The following PELP1 variants were observed in gnomAD, a reference collection of about 807,000 sequenced individuals.
The protein encoded by PELP1 is proline, glutamate and leucine rich protein 1, also known as proline-, glutamic acid- and leucine-rich protein 1.
A neutral mutation model predicts 95.5 loss-of-function variants in PELP1; 32 were observed. That is an observed-to-expected ratio of 0.34 (90% CI 0.25 to 0.45). The LOEUF (loss-of-function observed/expected upper bound fraction) is 0.45, where lower values mean the gene tolerates loss of function less well. PELP1 is among the 20% of genes least tolerant of loss of function. The pLI is 1.00. For synonymous variants in PELP1, 668 were observed against 600.1 expected, an observed-to-expected ratio of 1.11 and a Z score of -1.65; for missense variants, 1,358 against 1,444.8, an observed-to-expected ratio of 0.94 and a Z score of 0.97.
Position 4,675,848 on chromosome 17 carries a change from C to A in PELP1, c.1017G>T (p.Gln339His). 1 of 1,592,042 alleles carries A rather than the reference C, an allele frequency of 6.3e-7. No individual in the cohort carries two copies. The highest frequency in any genetic ancestry group is 1.3e-5 in the African/African-American group (1 of 74,516). Residue 339 changes from glutamine to histidine, a missense_variant, in exon 9 of 17, where the codon CAG (glutamine) becomes CAT (histidine). Gln to His is a conservative substitution (Grantham distance 24). Around this residue, in one of 7 missense-constraint regions of PELP1, gnomAD observed 538 missense variants for 628.1 expected, o/e 0.86. Coordinates refer to ENST00000572293, the MANE Select transcript of PELP1 (RefSeq NM_014389.3). This position sits in a 1 kb window ranked among gnomAD's most constrained non-coding sequence, Gnocchi z 4.3. ...EFGAPVSVPVQEILDFICRTL... is the reference protein window; with the variant it reads ...EFGAPVSVPVHEILDFICRTL... ...TCCGGCAGATGAAATCCAGGATTTCCTGCACAGGGACGGACACGGGAGCTC... is the reference window on the plus strand; with the variant it reads ...TCCGGCAGATGAAATCCAGGATTTCATGCACAGGGACGGACACGGGAGCTC...
intron 5 of PELP1, among the ~76,000 whole-genome samples, 172 bp from the exon 6 acceptor site, chr17:4,676,984 G>A (rs1912507149): frequency 6.6e-6 from 1 of 152,172 alleles, no homozygotes; most frequent in South Asian, 2.1e-4. Flanking sequence ...TGCTTTCATG[G>A]TAAAAGACTC....
chr17:4,696,718 G>C (rs1234337618), intron 1 of PELP1: 1 of 152,220 alleles, frequency 6.6e-6, no homozygotes, highest in Non-Finnish European at 1.5e-5. Flanking sequence ...CTTGAAGAAT[G>C]TGGTAACTGT....
rs772942983 is a variant in PELP1, at chr17:4,672,188, ATTC to A, written c.2800_2802del (p.Glu934del). 1.2e-5 allele frequency: 18 copies of A among 1,550,270 alleles called. 1 individual carries two copies. The Middle Eastern group carries it at 5.2e-4, about 45-fold the overall frequency. Reference sequence around the variant, plus strand: ...TCTAACTCACCTTCTTCTTCCTCAAATTCTTCCTCAAACTCTTCTTCCTCCTCT... The same window carrying A: ...TCTAACTCACCTTCTTCTTCCTCAAATTCCTCAAACTCTTCTTCCTCCTCT... On this transcript the variant is annotated inframe_deletion, in exon 16 of 17. Coordinates refer to ENST00000572293, the MANE Select transcript of PELP1 (RefSeq NM_014389.3).
chr17:4,701,175 A>T (rs1237131564), intron 1 of PELP1, among the ~76,000 whole-genome samples: 1 of 152,078 alleles, frequency 6.6e-6, no homozygotes, highest in Non-Finnish European at 1.5e-5. Flanking sequence ...GACTTGCTGA[A>T]TGTAGGGGAG....
At position 4,696,736 on chromosome 17, in the gene PELP1, C is replaced by T. The variant is rs115224632; in HGVS notation, c.250-5294G>A. 9.8e-4 allele frequency: 149 copies of T among 152,130 alleles called. 1 individual carries two copies. The highest frequency in any genetic ancestry group is 3.4e-3 in the African/African-American group (143 of 41,496). The allele number at this position is 152,130 out of a possible 1,614,324, so 9.4% of individuals were successfully genotyped here. Reference sequence around the variant, plus strand: ...GAAGAATGTGGTAACTGTGGCGATACAAAGCAGTCAAAATCAGGAAGTACT... The same window carrying T: ...GAAGAATGTGGTAACTGTGGCGATATAAAGCAGTCAAAATCAGGAAGTACT... On this transcript the variant is annotated intron_variant, in intron 1 of 16. Coordinates refer to ENST00000572293, the MANE Select transcript of PELP1 (RefSeq NM_014389.3).
chr17:4,700,559 A>G (rs1185160189), intron 1 of PELP1, among the ~76,000 whole-genome samples: 1 of 152,092 alleles, frequency 6.6e-6, no homozygotes, highest in Non-Finnish European at 1.5e-5. Context: ...CCTACGTAGA[A>G]GACAGAACAA....
chr17:4,695,491 AC>A (rs1415578291), intron 1 of PELP1, among the ~76,000 whole-genome samples: 1 of 150,784 alleles, frequency 6.6e-6, no homozygotes, highest in East Asian at 2.0e-4. Context: ...ACAGAGAGAC[AC>A]CATCTCTACA....
At position 4,682,894 on chromosome 17, in the gene PELP1, C is replaced by T. The variant is rs374255971; in HGVS notation, c.479G>A (p.Arg160Gln). Residue 160 changes from arginine (R) to glutamine (Q), a missense_variant, in exon 4 of 17, where the codon CGA (arginine) becomes CAA (glutamine). Transcript: ENST00000572293. ...CAGTGCAGGCAGCTGGGCTGCATAT[C>T]GGAGGAGGTCCCTCAGGACAGCCAC... ...LAVAVLRDLL[R>Q]YAAQLPALFR... 14 of 1,588,340 alleles carry T rather than the reference C, an allele frequency of 8.8e-6. No homozygotes were observed. Among genetic ancestry groups the T allele is most frequent in the East Asian group, 2.3e-5 (1 of 44,154 alleles).
chr17:4,673,814 T>C lies in PELP1; in HGVS notation c.1583-140A>G, dbSNP rs1912339613. On this transcript the variant is annotated intron_variant, in intron 13 of 16. Coordinates refer to ENST00000572293, the MANE Select transcript of PELP1 (RefSeq NM_014389.3). The surrounding 1 kb of genome is among the most constrained non-coding windows in gnomAD (Gnocchi z 5.7). ...GTCATTTAACTTCTCAACTAGAAAA[T>C]GGGGATCATAAAAGTACCTCTACTG... is the stretch of plus-strand genomic sequence containing the variant. 1.4e-6 allele frequency: 1 copy of C among 739,152 alleles called. No individual in the cohort carries two copies. The highest frequency in any genetic ancestry group is 2.0e-5 in the Admixed American group (1 of 50,130). The allele number at this position is 739,152 out of a possible 1,614,324, so 45.8% of individuals were successfully genotyped here.
At chr17:4,697,560 A>G (rs1050011585) in intron 1 of PELP1, among the ~76,000 whole-genome samples, 2 of 152,238 alleles carry the variant, frequency 1.3e-5, no homozygotes, top group African/African-American at 4.8e-5. Flanking sequence ...GAGATATCCC[A>G]GAAGTCAAGT....
intron 3 of PELP1, among the ~76,000 whole-genome samples, chr17:4,690,121 G>A (rs34022926): frequency 6.6e-6 from 1 of 152,122 alleles, no homozygotes; most frequent in Non-Finnish European, 1.5e-5. Context: ...AATGGCATTC[G>A]CAGCAACCTG....
intron 3 of PELP1, among the ~76,000 whole-genome samples, chr17:4,685,091 A>ATCTTATCTCCTTCCATTTCCCT (rs1358955272): frequency 2.0e-5 from 3 of 151,860 alleles, no homozygotes; most frequent in Non-Finnish European, 4.4e-5. Flanking sequence ...AAGATTTCCC[A>ATCTTATCTCCTTCCATTTCCCT]TCTTCTCTCC....
intron 3 of PELP1, among the ~76,000 whole-genome samples, chr17:4,688,970 A>G (rs1233279714): frequency 6.6e-6 from 1 of 152,250 alleles, no homozygotes; most frequent in Non-Finnish European, 1.5e-5. Flanking sequence ...ACAGTTACCA[A>G]AACAGCATGA....
At chr17:4,699,591 T>C (rs1277562350) in intron 1 of PELP1, among the ~76,000 whole-genome samples, 1 of 151,910 alleles carries the variant, frequency 6.6e-6, no homozygotes, top group Non-Finnish European at 1.5e-5. Flanking sequence ...TAGAGGGTGA[T>C]TTGTTTGTTT....
At chr17:4,694,305 A>G (rs1200873225) in intron 1 of PELP1, among the ~76,000 whole-genome samples, 1 of 151,968 alleles carries the variant, frequency 6.6e-6, no homozygotes, top group African/African-American at 2.4e-5. Context: ...GAGCACAGCA[A>G]TGACCGCACA....
chr17:4,683,531 C>CTTT (rs59870828), intron 3 of PELP1, among the ~76,000 whole-genome samples: 2,149 of 96,462 alleles, frequency 0.022, 215 homozygotes, highest in East Asian at 0.18. Flanking sequence ...GTTTTCTTTT[C>CTTT]TTTTTTTTTT....
At chr17:4,689,395 C>T (rs945005964) in intron 3 of PELP1, among the ~76,000 whole-genome samples, 5 of 152,204 alleles carry the variant, frequency 3.3e-5, no homozygotes, top group Middle Eastern at 3.4e-3. Context: ...ACCCACAAAG[C>T]GGGAGAAAAT....
Position 4,672,834 on chromosome 17 carries a change from G to A in PELP1, c.2157C>T (p.Val719=). 1.2e-6 allele frequency: 2 copies of A among 1,613,936 alleles called. No homozygotes were observed. The highest frequency in any genetic ancestry group is 1.7e-4 in the Middle Eastern group (1 of 6,058). Residue 719 remains valine (V), a synonymous_variant, in exon 16 of 17, where the codon GTC becomes GTT. Transcript: ENST00000572293. ...CAGGGCCAGGAAGAAGCCGGGGAGG[G>A]ACAGACACTAGGCCTGGGACAGAAA... ...LGLSVPGLVS[V]PPRLLPGPEN...
Position 4,675,182 on chromosome 17 carries a change from G to C in PELP1, c.1171C>G (p.Leu391Val). The C allele has an allele frequency of 6.2e-7, 1 of 1,613,708 alleles. No individual in the cohort carries two copies. The highest frequency in any genetic ancestry group is 1.1e-5 in the South Asian group (1 of 91,040). ...SALILACGSR[L>V]LRFGILIGRL... Reference sequence around the variant, plus strand: ...CCGATCAGGATCCCAAAGCGCAAGAGCCGGCTTCCACACCTGGGGCAGAGA... The same window carrying C: ...CCGATCAGGATCCCAAAGCGCAAGACCCGGCTTCCACACCTGGGGCAGAGA... Residue 391 changes from leucine to valine, a missense_variant, in exon 11 of 17, where the codon CTC becomes GTC. This residue lies in a region of PELP1 where 538 missense variants were observed against 628.1 expected (regional missense o/e 0.86). Coordinates refer to ENST00000572293, the MANE Select transcript of PELP1 (RefSeq NM_014389.3). This position sits in a 1 kb window ranked among gnomAD's most constrained non-coding sequence, Gnocchi z 4.3.
Sources: allele counts gnomAD v4.1 joint callset (sites outside exome capture counted in the v4.1 genomes callset), GRCh38; gene constraint gnomAD v4.1.1; regional missense constraint gnomAD v4.1.1; non-coding constraint Gnocchi (gnomAD v3.1); transcripts MANE v1.5; gene names NCBI Gene and HGNC (gene_info 2026-07-23, HGNC 2026-07-21).